CTPS2: variants seen among roughly 807,000 people sequenced by gnomAD.
CTPS2 encodes CTP synthase 2.
In CTPS2, 19 loss-of-function variants were observed where a neutral mutation model predicts 46.8. That is an observed-to-expected ratio of 0.41 (90% CI 0.28 to 0.60). The LOEUF is 0.60. Ranked by LOEUF, CTPS2 falls within the 20% of genes least tolerant of loss-of-function variation. The probability of loss-of-function intolerance (pLI) is 0.35; values close to 1 mark genes in which losing one functional copy is unlikely to be tolerated. For missense variants in CTPS2, 286 were observed against 447.6 expected, an observed-to-expected ratio of 0.64 and a Z score of 3.26; for synonymous variants, 151 against 165.2, an observed-to-expected ratio of 0.91 and a Z score of 0.66.
At chrX:16,674,837 CAAA>C (rs35273579) in intron 10 of CTPS2, among the ~76,000 whole-genome samples, 1 of 53,272 alleles carries the variant, frequency 1.9e-5, no homozygotes. Flanking sequence ...GACTCCGTCT[CAAA>C]AAAAAAAAAA....
At chrX:16,704,999 T>C (rs947218173) in intron 1 of CTPS2, among the ~76,000 whole-genome samples, 2 of 108,969 alleles carry the variant, frequency 1.8e-5, no homozygotes, top group African/African-American at 6.7e-5. Context: ...GATGCGTCAA[T>C]GTAGGTTCAC....
At chrX:16,663,006 T>C (rs904971567) in intron 13 of CTPS2, among the ~76,000 whole-genome samples, 1 of 111,673 alleles carries the variant, frequency 9.0e-6, no homozygotes, top group Middle Eastern at 4.6e-3. Context: ...AAACTAAATA[T>C]GAGACTGGTT....
intron 7 of CTPS2, among the ~76,000 whole-genome samples, chrX:16,691,191 T>C (rs1436172331): frequency 8.9e-6 from 1 of 112,055 alleles, no homozygotes; most frequent in African/African-American, 3.2e-5. Context: ...TGGTGGCGCA[T>C]GCCTATAATC....
intron 11 of CTPS2, among the ~76,000 whole-genome samples, chrX:16,668,322 C>G (rs1921370079): frequency 9.4e-6 from 1 of 106,457 alleles, no homozygotes; most frequent in East Asian, 3.0e-4. Context: ...CACTTGTAAT[C>G]CCAGCGCTTT....
intron 1 of CTPS2, among the ~76,000 whole-genome samples, chrX:16,705,194 C>T (rs1924899824): frequency 9.1e-6 from 1 of 110,102 alleles, no homozygotes; most frequent in Non-Finnish European, 1.9e-5. Context: ...CCAGCCTGGG[C>T]AACAGAGCGA....
chrX:16,643,502 C>A (rs923301008), intron 13 of CTPS2, among the ~76,000 whole-genome samples: 1 of 111,580 alleles, frequency 9.0e-6, no homozygotes, highest in Non-Finnish European at 1.9e-5. Flanking sequence ...CCACCACGCC[C>A]GGCCTCCTCT....
intron 10 of CTPS2, among the ~76,000 whole-genome samples, chrX:16,676,877 T>C (rs759828550): frequency 1.8e-5 from 2 of 110,570 alleles, no homozygotes; most frequent in South Asian, 7.8e-4. Flanking sequence ...CTGGCCAACA[T>C]GGTGAAACCC....
At chrX:16,707,230 T>C (rs1451522789) in intron 1 of CTPS2, among the ~76,000 whole-genome samples, 1 of 111,523 alleles carries the variant, frequency 9.0e-6, no homozygotes, top group Admixed American at 9.6e-5. Context: ...AGTACTATTG[T>C]TTTTCCCTTG....
At chrX:16,659,262 G>A (rs770729387) in intron 13 of CTPS2, among the ~76,000 whole-genome samples, 8 of 111,470 alleles carry the variant, frequency 7.2e-5, no homozygotes, top group Non-Finnish European at 1.5e-4. Context: ...TATACAAGAT[G>A]CCATGAGAGA....
chrX:16,595,933 G>A (rs944057148), intron 17 of CTPS2, among the ~76,000 whole-genome samples: 10 of 112,437 alleles, frequency 8.9e-5, no homozygotes, highest in African/African-American at 1.3e-4. Flanking sequence ...GCAGTGGCAC[G>A]ATCACAGCTT....
chrX:16,609,345 C>T (rs1313112747), intron 17 of CTPS2, among the ~76,000 whole-genome samples, 196 bp downstream of exon 17: 1 of 111,760 alleles, frequency 8.9e-6, no homozygotes, highest in Non-Finnish European at 1.9e-5. Context: ...AGTGTCATCA[C>T]GATTTGGAAA....
intron 17 of CTPS2, 177 bp from the exon 18 acceptor site, chrX:16,591,039 TG>T (rs1928874620): frequency 3.0e-6 from 1 of 335,623 alleles, no homozygotes; most frequent in Non-Finnish European, 5.2e-6. Flanking sequence ...TCACATGCAA[TG>T]GCCTCTTTCT....
At chrX:16,593,224 T>C in intron 17 of CTPS2, among the ~76,000 whole-genome samples, 1 of 111,029 alleles carries the variant, frequency 9.0e-6, no homozygotes, top group Middle Eastern at 4.6e-3. Context: ...GGTCAGGAGA[T>C]CGAGATCATC....
intron 13 of CTPS2, among the ~76,000 whole-genome samples, chrX:16,663,964 T>G (rs950391549): frequency 2.7e-5 from 3 of 110,740 alleles, no homozygotes; most frequent in African/African-American, 9.9e-5. Flanking sequence ...GCCTCCCGAG[T>G]AGCTGGGACT....
rs1928749445 is a variant in CTPS2 at position 16,588,892 on chromosome X, C to T, written c.*925G>A. ...TATATACAGGTTGAGCATCCCTAAT[C>T]TGAAAATCCAAAATGCTCCAAAATT... On this transcript the variant is annotated 3_prime_UTR_variant, in exon 19 of 19. Transcript: ENST00000359276. The T allele has an allele frequency of 8.9e-6, 1 of 112,155 alleles. No individual in the cohort carries two copies. Among genetic ancestry groups the T allele is most frequent in the South Asian group, 3.7e-4 (1 of 2,700 alleles). 9.2% of individuals were successfully genotyped at this position (112,155 alleles called of 1,213,427 possible). A position where few individuals can be genotyped will look rare whatever the true frequency, so the allele number is the denominator to read the frequency against.
intron 4 of CTPS2, 83 bp downstream of exon 4, chrX:16,698,153 T>G (rs1924264910): frequency 7.1e-6 from 5 of 709,109 alleles, no homozygotes; most frequent in Non-Finnish European, 1.1e-5. Flanking sequence ...GGAGGGCGTG[T>G]GTAAGTATTT....
intron 17 of CTPS2, among the ~76,000 whole-genome samples, chrX:16,599,476 C>CTTTTTTTTTTTTTT (rs56794396): frequency 1.2e-5 from 1 of 86,193 alleles, no homozygotes; most frequent in Non-Finnish European, 2.2e-5. Flanking sequence ...TCTTTTTTTT[C>CTTTTTTTTTTTTTT]TTTTTTTTTT....
At chrX:16,663,975 A>G (rs909482520) in intron 13 of CTPS2, among the ~76,000 whole-genome samples, 8 of 110,715 alleles carry the variant, frequency 7.2e-5, no homozygotes, top group African/African-American at 2.3e-4. Context: ...AGCTGGGACT[A>G]CAGGCGCGTG....
chrX:16,705,952 T>C (rs1013231977), intron 1 of CTPS2, among the ~76,000 whole-genome samples: 3 of 107,722 alleles, frequency 2.8e-5, no homozygotes, highest in Admixed American at 1.0e-4. Context: ...AATACAAAAA[T>C]TAGCTGGGTG....
Sources: gnomAD v4.1 joint callset for allele counts (sites outside exome capture counted in the v4.1 genomes callset) on GRCh38, gnomAD v4.1.1 for gene constraint, MANE v1.5 for transcripts, NCBI Gene and HGNC (gene_info 2026-07-23, HGNC 2026-07-21) for gene names.